The following TRPM3 variants were observed in gnomAD, a reference collection of about 807,000 sequenced individuals.
The protein encoded by TRPM3 is transient receptor potential cation channel subfamily M member 3, also known as long transient receptor potential channel 3.
In TRPM3, 77 loss-of-function variants were observed where a neutral mutation model predicts 181.2. The ratio of observed to expected loss-of-function variants is 0.42; its 90% CI spans 0.35 to 0.51. The LOEUF is 0.51. TRPM3 is among the 20% of genes least tolerant of loss of function. The probability of loss-of-function intolerance (pLI) is 0.01; values close to 1 mark genes in which losing one functional copy is unlikely to be tolerated. For synonymous variants in TRPM3, 745 were observed against 796.4 expected, an observed-to-expected ratio of 0.94 and a Z score of 1.09; for missense variants, 1,759 against 2,196.7, an observed-to-expected ratio of 0.80 and a Z score of 3.98.
intron 1 of TRPM3, among the ~76,000 whole-genome samples, chr9:71,428,434 G>C (rs770255780): frequency 6.6e-6 from 1 of 151,896 alleles, no homozygotes; most frequent in Non-Finnish European, 1.5e-5. Context: ...TGATTCAGAT[G>C]GCCATCAAGT....
rs114052445 is a variant in TRPM3 at position 70,789,152 on chromosome 9, T to A, written c.974-4873A>T. 2.4e-3 allele frequency among the ~76,000 whole-genome samples: 365 copies of A among 152,332 alleles called. 4 individuals carry two copies. Among genetic ancestry groups the A allele is most frequent in the African/African-American group, 8.4e-3 (351 of 41,586 alleles). ...AAAAACTCTAGCAAGATTCACAATC[T>A]TACAAATTAGAATCTGCAGGATAAG... is the stretch of plus-strand genomic sequence containing the variant. On this transcript the variant is annotated intron_variant, in intron 6 of 25. Coordinates refer to ENST00000677713, the MANE Select transcript of TRPM3 (RefSeq NM_001366145.2).
chr9:70,654,287 C>G (rs1768679233), intron 9 of TRPM3, among the ~76,000 whole-genome samples: 1 of 152,036 alleles, frequency 6.6e-6, no homozygotes, highest in African/African-American at 2.4e-5. Flanking sequence ...TTTGCTCCTC[C>G]CAGCCAAAAG....
At position 71,010,912 on chromosome 9, in the gene TRPM3, G is replaced by GAC. The variant is rs59803868; in HGVS notation, c.177+110264_177+110265dup. 3.2e-3 allele frequency among the ~76,000 whole-genome samples: 450 copies of GAC among 139,418 alleles called. 2 individuals are homozygous for GAC. The highest frequency in any genetic ancestry group is 8.6e-3 in the African/African-American group (317 of 36,964). The allele number at this position is 139,418 out of a possible 152,430, so 91.5% of individuals were successfully genotyped here. A position where few individuals can be genotyped will look rare whatever the true frequency, so the allele number is the denominator to read the frequency against. On this transcript the variant is annotated intron_variant, in intron 1 of 25. Transcript: ENST00000677713. The stretch of plus-strand genomic sequence containing the variant: ...CAACAGATGACTTTATAAAGAAAAT[G>GAC]ACACACACACACACACACATACACA...
chr9:70,987,538 T>A (rs771949789), intron 1 of TRPM3, among the ~76,000 whole-genome samples: 2 of 152,142 alleles, frequency 1.3e-5, no homozygotes, highest in South Asian at 4.1e-4. Context: ...CAATATTCCA[T>A]GAATCAATAT....
At chr9:71,402,091 A>C (rs1487160023) in intron 1 of TRPM3, among the ~76,000 whole-genome samples, 2 of 152,202 alleles carry the variant, frequency 1.3e-5, no homozygotes, top group East Asian at 3.8e-4. Flanking sequence ...ACATTCAAAC[A>C]AACTGTCGTC....
chr9:71,081,410 T>C (rs1253034245), intron 1 of TRPM3, among the ~76,000 whole-genome samples: 1 of 152,106 alleles, frequency 6.6e-6, no homozygotes, highest in Non-Finnish European at 1.5e-5. Flanking sequence ...AATGGGATAA[T>C]AAGAGTGGCT....
chr9:71,303,551 C>T (rs2086979335), intron 1 of TRPM3, among the ~76,000 whole-genome samples: 1 of 152,162 alleles, frequency 6.6e-6, no homozygotes, highest in African/African-American at 2.4e-5. Context: ...TAGCTATGAT[C>T]CCATGCATTT....
intron 5 of TRPM3, among the ~76,000 whole-genome samples, chr9:70,835,793 A>T (rs574561813): frequency 2.0e-5 from 3 of 152,284 alleles, no homozygotes; most frequent in East Asian, 3.9e-4. Context: ...AGTAAATAAG[A>T]GCTGTTATTA....
chr9:70,605,221 G>C (rs2060824342), intron 19 of TRPM3, among the ~76,000 whole-genome samples: 1 of 152,088 alleles, frequency 6.6e-6, no homozygotes, highest in South Asian at 2.1e-4. Flanking sequence ...CTCCTAAAGT[G>C]CTGGGATTAC....
intron 1 of TRPM3, among the ~76,000 whole-genome samples, chr9:71,403,593 C>G (rs1285320167): frequency 6.6e-6 from 1 of 152,082 alleles, no homozygotes; most frequent in African/African-American, 2.4e-5. Context: ...TTCACCACAA[C>G]CCTGTGAAAT....
intron 1 of TRPM3, among the ~76,000 whole-genome samples, chr9:70,994,789 G>C (rs1055724388): frequency 1.3e-5 from 2 of 152,162 alleles, no homozygotes; most frequent in Non-Finnish European, 2.9e-5. Context: ...CTCTGCTTTT[G>C]TTGTGCATTC....
At chr9:71,415,672 C>T (rs1427762282) in intron 1 of TRPM3, among the ~76,000 whole-genome samples, 2 of 151,918 alleles carry the variant, frequency 1.3e-5, no homozygotes, top group Non-Finnish European at 2.9e-5. Context: ...GACTAATTCC[C>T]ACTTATAAAA....
intron 7 of TRPM3, among the ~76,000 whole-genome samples, chr9:70,781,821 A>C (rs1053574770): frequency 6.6e-6 from 1 of 152,120 alleles, no homozygotes; most frequent in Non-Finnish European, 1.5e-5. Context: ...GGGCAATCTA[A>C]GTATTTTAAC....
intron 1 of TRPM3, among the ~76,000 whole-genome samples, chr9:71,373,634 A>G (rs1385149442): frequency 6.6e-6 from 1 of 152,188 alleles, no homozygotes; most frequent in Admixed American, 6.5e-5. Context: ...GGCAGCAATG[A>G]ATAGCCTACC....
intron 1 of TRPM3, among the ~76,000 whole-genome samples, chr9:71,221,849 G>C (rs2080260098): frequency 6.6e-6 from 1 of 152,180 alleles, no homozygotes; most frequent in African/African-American, 2.4e-5. Context: ...ACATACTTGA[G>C]GGAGGTGGAT....
At chr9:71,092,748 C>A (rs867621453) in intron 1 of TRPM3, among the ~76,000 whole-genome samples, 4 of 152,062 alleles carry the variant, frequency 2.6e-5, no homozygotes, top group South Asian at 2.1e-4. Context: ...GTAGCTCTTA[C>A]ATTAAATGTT....
chr9:70,571,921 C>A (rs923983469), intron 22 of TRPM3, among the ~76,000 whole-genome samples: 1 of 152,136 alleles, frequency 6.6e-6, no homozygotes, highest in Non-Finnish European at 1.5e-5. Context: ...TGTCTCTCTG[C>A]CCCCTTGAAG....
intron 8 of TRPM3, among the ~76,000 whole-genome samples, chr9:70,755,314 A>C (rs2076864030): frequency 6.6e-6 from 1 of 152,150 alleles, no homozygotes; most frequent in South Asian, 2.1e-4. Context: ...GACTAACAGA[A>C]GATCTCTCCG....
At chr9:70,578,583 T>C (rs777271206) in intron 22 of TRPM3, among the ~76,000 whole-genome samples, 1 of 152,174 alleles carries the variant, frequency 6.6e-6, no homozygotes, top group Non-Finnish European at 1.5e-5. Flanking sequence ...ACTTGGTCTT[T>C]GGTCTGAAGA....
Sources: gnomAD v4.1 joint callset for allele counts (sites outside exome capture counted in the v4.1 genomes callset) on GRCh38, gnomAD v4.1.1 for gene constraint, MANE v1.5 for transcripts, NCBI Gene and HGNC (gene_info 2026-07-23, HGNC 2026-07-21) for gene names.